HDAC9: variants seen among roughly 807,000 people sequenced by gnomAD.
HDAC9 encodes MEF-2 interacting transcription repressor (MITR) protein.
Under a neutral mutation model 139.4 loss-of-function variants are expected in HDAC9, and 41 were observed. That is an observed-to-expected ratio of 0.29 (90% confidence interval 0.23 to 0.38). The LOEUF (loss-of-function observed/expected upper bound fraction) is 0.38. Among genes scored for constraint, HDAC9 ranks in the 10% least tolerant of loss-of-function variants. The pLI is 1.00. For missense variants in HDAC9, 1,147 were observed against 1,297.0 expected, an observed-to-expected ratio of 0.88 and a Z score of 1.78; for synonymous variants, 517 against 476.2, an observed-to-expected ratio of 1.09 and a Z score of -1.12.
At chr7:18,168,607 T>C (rs1202322782) in intron 2 of HDAC9, among the ~76,000 whole-genome samples, 1 of 151,960 alleles carries the variant, frequency 6.6e-6, no homozygotes, top group Non-Finnish European at 1.5e-5. Flanking sequence ...GCATGTGTGC[T>C]TGTGTTGCAG....
At chr7:18,651,486 T>G (rs1343753732) in intron 11 of HDAC9, among the ~76,000 whole-genome samples, 1 of 152,134 alleles carries the variant, frequency 6.6e-6, no homozygotes, top group Non-Finnish European at 1.5e-5. Flanking sequence ...TAAACCTGTA[T>G]CAGATTAAAT....
chr7:18,700,455 C>T (rs899966280), intron 12 of HDAC9, among the ~76,000 whole-genome samples: 3 of 152,146 alleles, frequency 2.0e-5, no homozygotes, highest in Non-Finnish European at 4.4e-5. Flanking sequence ...TATCAAGATA[C>T]GCTTGGGAGT....
rs1310374306 is a variant in HDAC9 at position 18,996,007 on chromosome 7, CTGTT to C, written c.3171-14_3171-11del. 3.8e-6 allele frequency: 6 copies of C among 1,589,784 alleles called. No individual in the cohort carries two copies. Among genetic ancestry groups the C allele is most frequent in the Admixed American group, 1.8e-5 (1 of 57,010 alleles). ...TACTCTTATGCCGTATTCTGATTGC[CTGTT>C]TATTTTTACAGAACTGCTGGTGAGC... On this transcript the variant is annotated splice_polypyrimidine_tract_variant and intron_variant, in intron 25 of 25. Transcript: ENST00000686413.
chr7:18,841,390 TATAATA>T (rs1172589143), intron 21 of HDAC9, among the ~76,000 whole-genome samples: 2 of 152,078 alleles, frequency 1.3e-5, no homozygotes. Flanking sequence ...AAAACAACAA[TATAATA>T]ATAATAACAC....
At chr7:18,233,762 A>G (rs559618717) in intron 2 of HDAC9, among the ~76,000 whole-genome samples, 1 of 152,270 alleles carries the variant, frequency 6.6e-6, no homozygotes, top group South Asian at 2.1e-4. Flanking sequence ...CAATTTGCAT[A>G]CCTGTCCTGA....
At chr7:18,141,281 C>T (rs569927695) in intron 1 of HDAC9, among the ~76,000 whole-genome samples, 2 of 152,210 alleles carry the variant, frequency 1.3e-5, no homozygotes, top group Admixed American at 1.3e-4. Context: ...CATTTTTTCC[C>T]TTTATCTGGT....
chr7:18,358,432 G>C (rs1000168952), intron 1 of HDAC9, among the ~76,000 whole-genome samples: 1 of 152,184 alleles, frequency 6.6e-6, no homozygotes, highest in African/African-American at 2.4e-5. Flanking sequence ...TTAATGATTA[G>C]TGGGATATTT....
At chr7:18,905,693 C>G (rs1427691872) in intron 22 of HDAC9, among the ~76,000 whole-genome samples, 1 of 152,174 alleles carries the variant, frequency 6.6e-6, no homozygotes, top group African/African-American at 2.4e-5. Flanking sequence ...GAAGGGATTT[C>G]CATTGCAGAT....
intron 1 of HDAC9, among the ~76,000 whole-genome samples, chr7:18,448,228 C>T (rs892201286): frequency 6.6e-6 from 1 of 152,150 alleles, no homozygotes; most frequent in Non-Finnish European, 1.5e-5. Context: ...TCCATAAACT[C>T]TTATGTGGGA....
intron 12 of HDAC9, among the ~76,000 whole-genome samples, chr7:18,682,216 TG>T (rs2129091013): frequency 6.6e-6 from 1 of 152,190 alleles, no homozygotes; most frequent in African/African-American, 2.4e-5. Context: ...TTTTGCATTT[TG>T]TTTAAGGGCA....
At chr7:18,859,717 T>A (rs1271634183) in intron 21 of HDAC9, among the ~76,000 whole-genome samples, 4 of 150,160 alleles carry the variant, frequency 2.7e-5, no homozygotes, top group Non-Finnish European at 4.4e-5. Flanking sequence ...AACATTTACT[T>A]ACAGTAATGT....
chr7:18,712,239 G>C (rs564740467), intron 12 of HDAC9, among the ~76,000 whole-genome samples: 1 of 152,040 alleles, frequency 6.6e-6, no homozygotes, highest in Admixed American at 6.6e-5. Context: ...AATCCCTAAA[G>C]ATGTTGACAA....
chr7:18,908,173 C>T (rs1368949823), intron 22 of HDAC9, among the ~76,000 whole-genome samples: 1 of 151,884 alleles, frequency 6.6e-6, no homozygotes, highest in Non-Finnish European at 1.5e-5. Context: ...TATAGAAGCT[C>T]CCAGCCACAT....
chr7:18,383,372 A>G (rs1785611263), intron 1 of HDAC9, among the ~76,000 whole-genome samples: 1 of 152,190 alleles, frequency 6.6e-6, no homozygotes, highest in Non-Finnish European at 1.5e-5. Context: ...TGATCTCAGA[A>G]CTAGATGAAC....
At chr7:18,899,233 A>G (rs1801480412) in intron 22 of HDAC9, 1 of 152,010 alleles carries the variant, frequency 6.6e-6, no homozygotes, top group African/African-American at 2.4e-5. Context: ...AATAGAGGAC[A>G]CTTTTCTTGT....
At chr7:18,406,962 C>A (rs1788068818) in intron 1 of HDAC9, among the ~76,000 whole-genome samples, 1 of 152,058 alleles carries the variant, frequency 6.6e-6, no homozygotes, top group South Asian at 2.1e-4. Context: ...AAATAAACAA[C>A]TTGGTTACAT....
intron 12 of HDAC9, among the ~76,000 whole-genome samples, chr7:18,708,089 A>C (rs2129110098): frequency 6.6e-6 from 1 of 152,292 alleles, no homozygotes; most frequent in East Asian, 1.9e-4. Context: ...ACATCGCTTC[A>C]ACTGAAAAAT....
intron 2 of HDAC9, among the ~76,000 whole-genome samples, chr7:18,284,313 G>T (rs78863519): frequency 0.024 from 3,624 of 152,110 alleles, 66 homozygotes; most frequent in Middle Eastern, 0.037. Flanking sequence ...TCAAACATTA[G>T]GCAAATGATG....
intron 6 of HDAC9, among the ~76,000 whole-genome samples, chr7:18,621,747 G>T (rs1840273013): frequency 6.6e-6 from 1 of 152,082 alleles, no homozygotes; most frequent in Non-Finnish European, 1.5e-5. Context: ...TTTTATCCCA[G>T]CCAGAAGAGG....
Sources: gnomAD v4.1 joint callset for allele counts (sites outside exome capture counted in the v4.1 genomes callset) on GRCh38, gnomAD v4.1.1 for gene constraint, MANE v1.5 for transcripts, NCBI Gene and HGNC (gene_info 2026-07-23, HGNC 2026-07-21) for gene names.